NPAS3: variants seen among roughly 807,000 people sequenced by gnomAD.
NPAS3 encodes the protein neuronal PAS domain protein 3, also known as neuronal PAS domain-containing protein 3.
NPAS3 carries 14 observed loss-of-function variants against 73.1 expected under a neutral mutation model. The ratio of observed to expected loss-of-function variants is 0.19; its 90% confidence interval spans 0.13 to 0.30. NPAS3 has a LOEUF of 0.30. Ranked by LOEUF, NPAS3 falls within the 10% of genes least tolerant of loss-of-function variation. The probability of loss-of-function intolerance (pLI) is 1.00; values close to 1 mark genes in which losing one functional copy is unlikely to be tolerated. For missense variants in NPAS3, 1,096 were observed against 1,250.0 expected (o/e 0.88, Z 1.86); for synonymous variants, 620 against 541.5 (o/e 1.14, Z -2.01).
intron 2 of NPAS3, among the ~76,000 whole-genome samples, chr14:33,059,050 A>G (rs2040994034): frequency 1.3e-5 from 2 of 152,172 alleles, no homozygotes; most frequent in Non-Finnish European, 2.9e-5. Flanking sequence ...TCACTTTGTT[A>G]GTTCTGGCCT....
chr14:33,800,424 G>A lies in NPAS3; in HGVS notation c.2117G>A (p.Gly706Glu), dbSNP rs201277410. 397 of 1,590,748 alleles carry A rather than the reference G, an allele frequency of 2.5e-4. 2 individuals are homozygous for A. The African/African-American group carries it at 4.9e-3, about 20-fold the overall frequency. Residue 706 changes from glycine (G) to glutamate (E), a missense_variant, in exon 12 of 12, where the codon GGG becomes GAG. By Grantham distance (98) the Gly-to-Glu change is moderately conservative. Transcript: ENST00000356141. This position sits in a 1 kb window ranked among gnomAD's most constrained non-coding sequence, Gnocchi z 6.5. ...GGCGGTGGGGGTGGCGGTGGCGGGG[G>A]GCTGCACGTGGCCATTCCCGACTCG...
intron 2 of NPAS3, among the ~76,000 whole-genome samples, chr14:33,171,289 C>T (rs1247216878): frequency 1.3e-5 from 2 of 152,206 alleles, no homozygotes; most frequent in Admixed American, 6.5e-5. Context: ...ATCCAGCCTT[C>T]GTCGTTCCAT....
intron 5 of NPAS3, among the ~76,000 whole-genome samples, chr14:33,658,546 C>A (rs2059214933): frequency 6.6e-6 from 1 of 152,270 alleles, no homozygotes; most frequent in East Asian, 1.9e-4. Flanking sequence ...ATGACCAAAA[C>A]CAAATAAAAC....
At chr14:33,735,649 C>T (rs78929945) in intron 7 of NPAS3, among the ~76,000 whole-genome samples, 8,228 of 152,194 alleles carry the variant, frequency 0.054, 414 homozygotes, top group African/African-American at 0.13. Flanking sequence ...TATCAGTCCT[C>T]AAGACGAGTG....
At position 32,969,711 on chromosome 14, in the gene NPAS3, G is replaced by A. The variant is rs1486856822; in HGVS notation, c.50+30345G>A. Among the ~76,000 whole-genome samples, 10 of 152,104 alleles carry A rather than the reference G, an allele frequency of 6.6e-5. 1 individual carries two copies. Among genetic ancestry groups the A allele is most frequent in the Admixed American group, 6.5e-4 (10 of 15,270 alleles). On this transcript the variant is annotated intron_variant, in intron 1 of 11. Transcript: ENST00000356141. The stretch of plus-strand genomic sequence containing the variant: ...CTCAGCTTTCTTATCTGTAAAATAA[G>A]ACTAACGTCAGCCTTGTAGACTTTG...
intron 5 of NPAS3, among the ~76,000 whole-genome samples, chr14:33,582,710 G>A (rs188800307): frequency 2.0e-5 from 3 of 152,178 alleles, no homozygotes; most frequent in East Asian, 1.9e-4. Context: ...AGTTCATAGC[G>A]GATATTAAGA....
At chr14:33,720,604 G>T (rs1160488693) in intron 6 of NPAS3, among the ~76,000 whole-genome samples, 1 of 152,156 alleles carries the variant, frequency 6.6e-6, no homozygotes, top group African/African-American at 2.4e-5. Flanking sequence ...CAGGACTGTG[G>T]CTTCTGAAGA....
At chr14:33,143,506 A>T (rs1339465648) in intron 2 of NPAS3, among the ~76,000 whole-genome samples, 1 of 152,088 alleles carries the variant, frequency 6.6e-6, no homozygotes, top group Non-Finnish European at 1.5e-5. Flanking sequence ...AAAAAAAAGT[A>T]TCCTGTTCTC....
chr14:33,578,429 G>C (rs923702355), intron 5 of NPAS3: 10 of 347,772 alleles, frequency 2.9e-5, no homozygotes, highest in Middle Eastern at 1.0e-3. Context: ...CAAAACCTCA[G>C]GTGATCTGCC....
intron 2 of NPAS3, among the ~76,000 whole-genome samples, chr14:33,063,629 G>A (rs189880664): frequency 5.3e-5 from 8 of 152,208 alleles, no homozygotes; most frequent in South Asian, 2.1e-4. Flanking sequence ...CTGTGACTCC[G>A]TTCCTGCTAT....
chr14:33,561,358 G>A (rs952356195), intron 5 of NPAS3, among the ~76,000 whole-genome samples: 6 of 152,194 alleles, frequency 3.9e-5, no homozygotes, highest in African/African-American at 1.2e-4. Context: ...CTTGGGGAAG[G>A]AGGAGAAACA....
chr14:33,390,952 G>C (rs17100933), intron 4 of NPAS3, among the ~76,000 whole-genome samples: 12,190 of 151,986 alleles, frequency 0.08, 629 homozygotes, highest in South Asian at 0.2. Flanking sequence ...AAGGCATGCT[G>C]TGTCCTGTAC....
At chr14:33,401,436 G>A (rs915858089) in intron 4 of NPAS3, among the ~76,000 whole-genome samples, 3 of 152,064 alleles carry the variant, frequency 2.0e-5, no homozygotes, top group Non-Finnish European at 2.9e-5. Context: ...ACGAGAACTT[G>A]TAATTTGGTG....
chr14:33,512,421 G>A (rs1009430424), intron 4 of NPAS3, among the ~76,000 whole-genome samples: 2 of 151,966 alleles, frequency 1.3e-5, no homozygotes, highest in Non-Finnish European at 2.9e-5. Context: ...GAAACAAGAA[G>A]AAGCTGACAT....
chr14:33,704,807 T>C (rs906613110), intron 6 of NPAS3, among the ~76,000 whole-genome samples: 4 of 152,208 alleles, frequency 2.6e-5, no homozygotes, highest in African/African-American at 9.6e-5. Context: ...TCAGCATGCA[T>C]TTTTGAATGC....
At chr14:33,462,219 CAAGTCG>C (rs1441335230) in intron 4 of NPAS3, among the ~76,000 whole-genome samples, 1 of 152,166 alleles carries the variant, frequency 6.6e-6, no homozygotes, top group African/African-American at 2.4e-5. Flanking sequence ...CAACATTAGG[CAAGTCG>C]AACAACCTTT....
intron 4 of NPAS3, among the ~76,000 whole-genome samples, chr14:33,499,552 C>T (rs367639291): frequency 6.6e-6 from 1 of 151,918 alleles, no homozygotes; most frequent in African/African-American, 2.4e-5. Flanking sequence ...CTTGTAAGCT[C>T]CAGCACACCT....
chr14:33,401,408 C>T (rs571844089), intron 4 of NPAS3, among the ~76,000 whole-genome samples: 70 of 152,140 alleles, frequency 4.6e-4, no homozygotes, highest in African/African-American at 1.3e-3. Flanking sequence ...TTTGTATTGG[C>T]GTAGGGAAGT....
At chr14:33,528,582 T>C (rs1275508689) in intron 4 of NPAS3, among the ~76,000 whole-genome samples, 1 of 151,966 alleles carries the variant, frequency 6.6e-6, no homozygotes, top group East Asian at 1.9e-4. Flanking sequence ...TTCTGAGAAA[T>C]CCTTCATGCT....
Sources: allele counts gnomAD v4.1 joint callset (sites outside exome capture counted in the v4.1 genomes callset), GRCh38; gene constraint gnomAD v4.1.1; non-coding constraint Gnocchi (gnomAD v3.1); transcripts MANE v1.5; gene names NCBI Gene and HGNC (gene_info 2026-07-23, HGNC 2026-07-21).